The following CEP72 variants were observed in gnomAD, a reference collection of about 807,000 sequenced individuals.
The protein encoded by CEP72 is centrosomal protein 72, also known as centrosomal protein of 72 kDa.
A neutral mutation model predicts 65.7 loss-of-function variants in CEP72; 78 were observed. That is an observed-to-expected ratio of 1.19 (90% confidence interval 0.99 to 1.43). CEP72 has a LOEUF of 1.43. CEP72 is among the 40% of genes most tolerant of loss of function. CEP72 has a pLI of 0.00. For missense variants in CEP72, 914 were observed against 832.9 expected (o/e 1.10, Z -1.20); for synonymous variants, 358 against 351.7 (o/e 1.02, Z -0.20).
intron 11 of CEP72, among the ~76,000 whole-genome samples, chr5:648,329 T>C (rs1738565065): frequency 7.8e-6 from 1 of 128,088 alleles, no homozygotes; most frequent in African/African-American, 3.2e-5. Flanking sequence ...CTGTGAGGCA[T>C]GGACTGTGAG....
At chr5:648,855 GT>G (rs1413392014) in intron 11 of CEP72, among the ~76,000 whole-genome samples, 451 of 34,646 alleles carry the variant, frequency 0.013, 4 homozygotes, top group African/African-American at 0.045. Flanking sequence ...GGACTGTGAG[GT>G]GTGACTGTGA....
chr5:614,097 T>C (rs959537306), intron 1 of CEP72, among the ~76,000 whole-genome samples: 3 of 152,352 alleles, frequency 2.0e-5, no homozygotes, highest in African/African-American at 4.8e-5. Context: ...CTTTCTTTTT[T>C]AGTCTTGCTA....
chr5:653,323 A>G lies in CEP72; in HGVS notation c.*170A>G, dbSNP rs1739234704. The G allele has an allele frequency of 5.3e-6, 3 of 568,920 alleles. No individual in the cohort carries two copies. The highest frequency in any genetic ancestry group is 8.8e-6 in the Non-Finnish European group (3 of 341,762). 35.2% of individuals were successfully genotyped at this position (568,920 alleles called of 1,614,324 possible). ...GACCTGTAGCTTGGTTTTCTAAAGC[A>G]CCTCGTAAAATGATATGATTACTCC... On this transcript the variant is annotated 3_prime_UTR_variant, in exon 12 of 12. Transcript: ENST00000264935.
chr5:628,506 G>A (rs369902143), intron 4 of CEP72, among the ~76,000 whole-genome samples: 2 of 146,676 alleles, frequency 1.4e-5, no homozygotes, highest in East Asian at 4.1e-4. Context: ...AGTGTTCCCA[G>A]GACCCAGCCC....
At chr5:620,431 G>C (rs1287139395) in intron 3 of CEP72, among the ~76,000 whole-genome samples, 170 bp downstream of exon 3, 1 of 152,220 alleles carries the variant, frequency 6.6e-6, no homozygotes, top group Admixed American at 6.5e-5. Flanking sequence ...CAGCTCGAGA[G>C]GCCCTGTGTC....
chr5:643,453 C>T (rs1170915867), intron 9 of CEP72: 5 of 985,354 alleles, frequency 5.1e-6, no homozygotes, highest in Non-Finnish European at 6.0e-6. Flanking sequence ...TCAGCTTTCA[C>T]CATGGGCGTC....
At chr5:649,367 G>C (rs1285033247) in intron 11 of CEP72, among the ~76,000 whole-genome samples, 1 of 77,378 alleles carries the variant, frequency 1.3e-5, no homozygotes, top group Non-Finnish European at 2.8e-5. Flanking sequence ...GGACTGTGAG[G>C]TGTGACTGTG....
chr5:613,798 C>G (rs896980428), intron 1 of CEP72, among the ~76,000 whole-genome samples: 1 of 152,294 alleles, frequency 6.6e-6, no homozygotes, highest in Non-Finnish European at 1.5e-5. Context: ...CTTGCGGGGC[C>G]CTTTAGACCA....
At chr5:649,214 A>C in intron 11 of CEP72, among the ~76,000 whole-genome samples, 2 of 76,840 alleles carry the variant, frequency 2.6e-5, no homozygotes, top group African/African-American at 6.7e-5. Flanking sequence ...TGAGGTGTGG[A>C]CTGTGAGGTG....
intron 1 of CEP72, among the ~76,000 whole-genome samples, chr5:613,567 A>G (rs2126721536): frequency 6.6e-6 from 1 of 152,266 alleles, no homozygotes; most frequent in South Asian, 2.1e-4. Flanking sequence ...GGGTTTCACC[A>G]TGTTGGCCAG....
chr5:640,387 A>G, intron 8 of CEP72, 21 bp from the exon 9 acceptor site: 1 of 1,607,444 alleles, frequency 6.2e-7, no homozygotes, highest in Non-Finnish European at 8.5e-7. Flanking sequence ...TGCTAATGTA[A>G]TATTTGGTTT....
intron 3 of CEP72, among the ~76,000 whole-genome samples, chr5:620,833 G>GGCAGCCGC (rs1736342384): frequency 6.6e-6 from 1 of 152,234 alleles, no homozygotes; most frequent in African/African-American, 2.4e-5. Flanking sequence ...GCCCAGTAGG[G>GGCAGCCGC]AGGGTCCCTG....
chr5:665,309 C>A (rs1322522772), exon 3 of CEP72: 2 of 1,608,072 alleles, frequency 1.2e-6, no homozygotes, highest in South Asian at 2.2e-5. Context: ...GCAAGAGGAG[C>A]AGGAGGAAGG....
chr5:675,022 G>A, the CEP72 span, among the ~76,000 whole-genome samples: 34 of 123,466 alleles, frequency 2.8e-4, no homozygotes, highest in African/African-American at 7.8e-4. Context: ...CAGTGTGGCC[G>A]GGGGAGCAGT....
At chr5:670,172 C>T (rs10035635), downstream of CEP72, among the ~76,000 whole-genome samples, 7,029 of 152,248 alleles carry the variant, frequency 0.046, 537 homozygotes, top group African/African-American at 0.16. Flanking sequence ...GACAGCCCTC[C>T]GAGGACTGAG....
downstream of CEP72, chr5:661,739 A>G (rs13361733): frequency 0.042 from 6,392 of 152,496 alleles, 442 homozygotes; most frequent in African/African-American, 0.15. Context: ...ACAAGTTGTA[A>G]CTGACAGTGG....
intron 11 of CEP72, among the ~76,000 whole-genome samples, chr5:648,675 CTG>C (rs1434774839): frequency 1.1e-4 from 10 of 92,230 alleles, no homozygotes; most frequent in African/African-American, 3.8e-4. Context: ...GAGGTGTGGA[CTG>C]TGAGGCGTGA....
At position 635,388 on chromosome 5, in the gene CEP72, G is replaced by A; in HGVS notation, c.708G>A (p.Leu236=). 1 of 1,611,274 alleles carries A rather than the reference G, an allele frequency of 6.2e-7. No homozygotes were observed. The highest frequency in any genetic ancestry group is 8.5e-7 in the Non-Finnish European group (1 of 1,177,674). Residue 236 remains leucine, a synonymous_variant, in exon 6 of 12, where the codon TTG becomes TTA. Transcript: ENST00000264935. ...SRGSQESRHL[L]SPQLVQYQCG... ...TTTTAATAGAATCCAGACATCTGTT[G>A]AGCCCGCAGTTGGTACAGTACCAGT... is the stretch of plus-strand genomic sequence containing the variant.
At chr5:671,823 C>T (rs927870436), downstream of CEP72, among the ~76,000 whole-genome samples, 9 of 152,236 alleles carry the variant, frequency 5.9e-5, no homozygotes, top group East Asian at 7.7e-4. Context: ...AGTGCAAGCC[C>T]GGGACAGGGT....
Sources: allele counts gnomAD v4.1 joint callset (sites outside exome capture counted in the v4.1 genomes callset), GRCh38; gene constraint gnomAD v4.1.1; transcripts MANE v1.5; gene names NCBI Gene and HGNC (gene_info 2026-07-23, HGNC 2026-07-21).